Variants in BAZ1A observed in about 807,000 individuals in gnomAD.
BAZ1A encodes the protein bromodomain adjacent to zinc finger domain protein 1A.
BAZ1A carries 50 observed loss-of-function variants against 185.2 expected under a neutral mutation model. The observed-to-expected ratio is 0.27, with a 90% CI of 0.22 to 0.34. The LOEUF (loss-of-function observed/expected upper bound fraction) is 0.34. Among genes scored for constraint, BAZ1A ranks in the 10% least tolerant of loss-of-function variants. The pLI is 1.00. For missense variants in BAZ1A, 1,356 were observed against 1,839.9 expected (o/e 0.74, Z 4.81); for synonymous variants, 571 against 615.6 (o/e 0.93, Z 1.07).
At chr14:34,845,269 T>G (rs2042490913) in intron 3 of BAZ1A, 1 of 84,444 alleles carries the variant, frequency 1.2e-5, no homozygotes, top group Non-Finnish European at 2.8e-5. Context: ...ATTCTTCAAC[T>G]TTTTCTTTTT....
intron 16 of BAZ1A, 37 bp from the exon 17 acceptor site, chr14:34,780,347 A>G (rs1386098390): frequency 7.6e-6 from 12 of 1,571,736 alleles, no homozygotes; most frequent in Non-Finnish European, 8.6e-6. Context: ...TTACTAATGA[A>G]TATATAATTC....
chr14:34,820,122 G>GT lies in BAZ1A; in HGVS notation c.536+5890dup, dbSNP rs59706713. Among the ~76,000 whole-genome samples the GT allele has an allele frequency of 8.8e-3, 703 of 80,258 alleles. 12 individuals carry two copies. The highest frequency in any genetic ancestry group is 0.031 in the East Asian group (87 of 2,810). 52.7% of individuals were successfully genotyped at this position (80,258 alleles called of 152,430 possible). A position where few individuals can be genotyped will look rare whatever the true frequency, so the allele number is the denominator to read the frequency against. On this transcript the variant is annotated intron_variant, in intron 4 of 26. Transcript: ENST00000360310. ...TTGCCATTTTTTAATTGGGTTCCTC[G>GT]TTTTTTTTTTTTTTTTTTTTTTTGA...
Position 34,776,217 on chromosome 14 carries a change from C to T in BAZ1A, c.2535G>A (p.Gln845=). ...DMLLPRPSSF[Q]NNVQSQDPQV... ...GAGGATCTTGAGACTGTACATTATT[C>T]TGAAATGATGAAGGTCTAGGCAACA... is the stretch of plus-strand genomic sequence containing the variant. The change falls in exon 18 of 27, where the codon CAG becomes CAA. Residue 845 remains glutamine, a synonymous_variant. Coordinates refer to ENST00000360310, the MANE Select transcript of BAZ1A (RefSeq NM_013448.3). 1.2e-6 allele frequency: 2 copies of T among 1,614,142 alleles called. No homozygotes were observed. The highest frequency in any genetic ancestry group is 1.7e-6 in the Non-Finnish European group (2 of 1,180,002).
chr14:34,808,393 G>T (rs1247636304), intron 5 of BAZ1A, among the ~76,000 whole-genome samples: 1 of 152,068 alleles, frequency 6.6e-6, no homozygotes, highest in East Asian at 1.9e-4. Context: ...AGCTACTCAG[G>T]AGGCTTAGGG....
chr14:34,832,109 A>G (rs2042250307), intron 3 of BAZ1A, among the ~76,000 whole-genome samples: 1 of 151,162 alleles, frequency 6.6e-6, no homozygotes, highest in Non-Finnish European at 1.5e-5. Context: ...TTGGAGGATC[A>G]TTGAGTCCAG....
At chr14:34,768,804 G>A (rs1460028511) in intron 21 of BAZ1A, 1 of 381,686 alleles carries the variant, frequency 2.6e-6, no homozygotes, top group Admixed American at 3.5e-5. Flanking sequence ...GATATAGTTA[G>A]TTGAAGATTT....
chr14:34,761,778 A>G lies in BAZ1A; in HGVS notation c.4222T>C (p.Cys1408Arg), dbSNP rs1270278817. 20 of 1,611,546 alleles carry G rather than the reference A, an allele frequency of 1.2e-5. No homozygotes were observed. The highest frequency in any genetic ancestry group is 1.5e-5 in the Non-Finnish European group (18 of 1,178,508). ...ATACCTGGAGATTGTCTTTTTCTGC[A>G]TCTTCTTTTGGATTCACTCTCTTGG... Reference protein sequence around the residue: ...SLQESESKRRCRKRQSPEPSP... With the variant: ...SLQESESKRRRRKRQSPEPSP... Residue 1408 changes from cysteine to arginine, a missense_variant, in exon 24 of 27, where the codon TGC (cysteine) becomes CGC (arginine). Transcript: ENST00000360310.
chr14:34,781,797 G>GT (rs1199198246), intron 16 of BAZ1A, among the ~76,000 whole-genome samples: 1 of 152,196 alleles, frequency 6.6e-6, no homozygotes, highest in African/African-American at 2.4e-5. Context: ...GCAATTGGTC[G>GT]TGAGTAGCTT....
chr14:34,771,481 T>G, intron 21 of BAZ1A, 30 bp downstream of exon 21: 1 of 1,587,594 alleles, frequency 6.3e-7, no homozygotes, highest in Admixed American at 1.8e-5. Flanking sequence ...ATAACACAAC[T>G]AATATTTTGA....
chr14:34,874,551 C>T lies in BAZ1A; in HGVS notation c.54G>A (p.Leu18=). 3 of 1,611,808 alleles carry T rather than the reference C, an allele frequency of 1.9e-6. No individual in the cohort carries two copies. The highest frequency in any genetic ancestry group is 2.5e-6 in the Non-Finnish European group (3 of 1,179,020). The part of the protein sequence containing the change: ...PFVRQKPPAD[L]RPDEEVFYCK... ...AGTAGAAAACTTCCTCGTCGGGCCG[C>T]AGGTCCGCGGGCGGCTTCTGTCTCA... Residue 18 remains leucine, a synonymous_variant, in exon 2 of 27, where the codon CTG becomes CTA. Transcript: ENST00000360310. The surrounding 1 kb of genome is among the most constrained non-coding windows in gnomAD (Gnocchi z 4.7).
intron 3 of BAZ1A, among the ~76,000 whole-genome samples, chr14:34,855,296 T>C (rs1210265506): frequency 6.6e-6 from 1 of 152,142 alleles, no homozygotes; most frequent in African/African-American, 2.4e-5. Context: ...AGCAAACTGT[T>C]CAAACCGTGT....
chr14:34,860,026 A>C (rs1272022336), intron 3 of BAZ1A, among the ~76,000 whole-genome samples: 2 of 152,224 alleles, frequency 1.3e-5, no homozygotes, highest in Non-Finnish European at 2.9e-5. Flanking sequence ...AGATAAAAAT[A>C]ACTAATAAAG....
chr14:34,771,972 T>G (rs1879255479), intron 20 of BAZ1A, among the ~76,000 whole-genome samples: 1 of 152,126 alleles, frequency 6.6e-6, no homozygotes, highest in Admixed American at 6.6e-5. Flanking sequence ...TTTTTGCTTT[T>G]TTGAGACAGT....
chr14:34,766,746 C>A (rs542919453), intron 21 of BAZ1A, among the ~76,000 whole-genome samples: 1 of 152,254 alleles, frequency 6.6e-6, no homozygotes, highest in South Asian at 2.1e-4. Flanking sequence ...ATGGCAGAAA[C>A]AAGTACAAAT....
At chr14:34,815,490 C>T (rs1381094024) in intron 4 of BAZ1A, among the ~76,000 whole-genome samples, 1 of 152,178 alleles carries the variant, frequency 6.6e-6, no homozygotes, top group Non-Finnish European at 1.5e-5. Context: ...CATTTTATTA[C>T]CAACAAGTGT....
intron 4 of BAZ1A, among the ~76,000 whole-genome samples, chr14:34,820,847 C>T (rs1358945553): frequency 2.0e-5 from 3 of 151,916 alleles, no homozygotes; most frequent in Admixed American, 6.6e-5. Flanking sequence ...GCCTTTGCTG[C>T]TTTGTCAAAG....
chr14:34,782,326 T>C (rs556504532), intron 16 of BAZ1A, among the ~76,000 whole-genome samples: 3 of 152,364 alleles, frequency 2.0e-5, no homozygotes, highest in South Asian at 4.1e-4. Context: ...ATTAATGACG[T>C]TGAGCATCTT....
chr14:34,861,281 G>C (rs560806378), intron 3 of BAZ1A, among the ~76,000 whole-genome samples: 1 of 152,254 alleles, frequency 6.6e-6, no homozygotes, highest in East Asian at 1.9e-4. Flanking sequence ...CAATCACAAA[G>C]CTTCAGACTT....
intron 12 of BAZ1A, among the ~76,000 whole-genome samples, chr14:34,789,233 C>T (rs756702510): frequency 2.0e-5 from 3 of 152,164 alleles, no homozygotes; most frequent in Non-Finnish European, 4.4e-5. Context: ...TGGCTCTCAT[C>T]CTGCAGCAAT....
Sources: allele counts gnomAD v4.1 joint callset (sites outside exome capture counted in the v4.1 genomes callset), GRCh38; gene constraint gnomAD v4.1.1; non-coding constraint Gnocchi (gnomAD v3.1); transcripts MANE v1.5; gene names NCBI Gene and HGNC (gene_info 2026-07-23, HGNC 2026-07-21).